Variants in ADGRG7 observed in about 807,000 individuals in gnomAD.
ADGRG7 encodes adhesion G protein-coupled receptor G7.
ADGRG7 carries 82 observed loss-of-function variants against 88.6 expected under a neutral mutation model. The observed-to-expected ratio is 0.93, with a 90% CI of 0.77 to 1.11. ADGRG7 has a LOEUF of 1.11. Ranked by LOEUF, ADGRG7 falls within the 50% of genes most tolerant of loss-of-function variation. The pLI is 0.00. For missense variants in ADGRG7, 945 were observed against 953.4 expected (o/e 0.99, Z 0.12); for synonymous variants, 381 against 345.2 (o/e 1.10, Z -1.15).
chr3:100,619,522 T>G (rs1268267408), intron 1 of ADGRG7, among the ~76,000 whole-genome samples: 1 of 151,754 alleles, frequency 6.6e-6, no homozygotes, highest in African/African-American at 2.4e-5. Flanking sequence ...GCAAACACAT[T>G]CAAAAGCTAG....
At chr3:100,641,277 G>A (rs1707638191) in intron 6 of ADGRG7, among the ~76,000 whole-genome samples, 1 of 151,732 alleles carries the variant, frequency 6.6e-6, no homozygotes, top group South Asian at 2.1e-4. Context: ...AAGCTTAAGA[G>A]AGTTTTAACG....
intron 1 of ADGRG7, among the ~76,000 whole-genome samples, chr3:100,626,076 A>G (rs1238834459): frequency 2.0e-5 from 3 of 152,180 alleles, no homozygotes; most frequent in Non-Finnish European, 4.4e-5. Flanking sequence ...ATAGTTTCAC[A>G]AGGAAAGGTA....
intron 14 of ADGRG7, among the ~76,000 whole-genome samples, chr3:100,667,524 G>A (rs2094953449): frequency 6.6e-6 from 1 of 152,192 alleles, no homozygotes; most frequent in Non-Finnish European, 1.5e-5. Context: ...TTTTATGGCT[G>A]CATAGTATTC....
At chr3:100,646,275 C>T (rs1434795555) in intron 9 of ADGRG7, 167 bp downstream of exon 9, 4 of 650,782 alleles carry the variant, frequency 6.1e-6, no homozygotes, top group East Asian at 2.8e-5. Context: ...TCTTGAATAG[C>T]AAAAGCAGGG....
chr3:100,653,220 G>A (rs1441993962), intron 11 of ADGRG7, among the ~76,000 whole-genome samples: 1 of 152,100 alleles, frequency 6.6e-6, no homozygotes, highest in Non-Finnish European at 1.5e-5. Context: ...GTAACAATAG[G>A]CCATGAAACA....
intron 15 of ADGRG7, among the ~76,000 whole-genome samples, chr3:100,679,197 A>G (rs2094969611): frequency 6.6e-6 from 1 of 151,948 alleles, no homozygotes; most frequent in African/African-American, 2.4e-5. Flanking sequence ...CACTCTCCCC[A>G]TCCCCCAACC....
chr3:100,677,261 T>C (rs1576336801), intron 15 of ADGRG7, among the ~76,000 whole-genome samples: 1 of 152,118 alleles, frequency 6.6e-6, no homozygotes, highest in Admixed American at 6.5e-5. Flanking sequence ...TGATTTGAGG[T>C]TACCACAAGG....
intron 1 of ADGRG7, among the ~76,000 whole-genome samples, chr3:100,615,967 G>A (rs79908114): frequency 0.017 from 2,503 of 151,576 alleles, 72 homozygotes; most frequent in African/African-American, 0.057. Context: ...GCCCAAAGAA[G>A]CATTAAATAA....
chr3:100,637,154 G>A lies in ADGRG7; in HGVS notation c.598-148G>A, dbSNP rs568478312. The A allele has an allele frequency of 4.4e-5, 26 of 587,078 alleles. No homozygotes were observed. The East Asian group carries it at 6.9e-4, about 16-fold the overall frequency. 36.4% of individuals were successfully genotyped at this position (587,078 alleles called of 1,614,324 possible). A position where few individuals can be genotyped will look rare whatever the true frequency, so the allele number is the denominator to read the frequency against. ...TCTCTGTCATCTTATGTGGATCAAA[G>A]AATAAACCTTTAATTTTGTAAAATG... On this transcript the variant is annotated intron_variant, in intron 5 of 15. Coordinates refer to ENST00000273352, the MANE Select transcript of ADGRG7 (RefSeq NM_032787.3).
intron 15 of ADGRG7, among the ~76,000 whole-genome samples, chr3:100,693,693 A>C (rs1372960076): frequency 6.6e-6 from 1 of 152,208 alleles, no homozygotes; most frequent in Non-Finnish European, 1.5e-5. Flanking sequence ...TGATTTAATA[A>C]AAAATTTTGG....
chr3:100,640,457 G>A (rs1178593213), intron 6 of ADGRG7, among the ~76,000 whole-genome samples: 2 of 152,174 alleles, frequency 1.3e-5, no homozygotes, highest in African/African-American at 4.8e-5. Flanking sequence ...AGCTCTGGAG[G>A]TGTAGGGTTT....
chr3:100,611,838 A>G (rs1707158718), intron 1 of ADGRG7, among the ~76,000 whole-genome samples: 1 of 152,114 alleles, frequency 6.6e-6, no homozygotes, highest in Non-Finnish European at 1.5e-5. Flanking sequence ...GAGTTGGTAA[A>G]TTCTGTTTCT....
chr3:100,662,718 A>G (rs1354717920), intron 14 of ADGRG7, among the ~76,000 whole-genome samples: 5 of 152,104 alleles, frequency 3.3e-5, no homozygotes, highest in African/African-American at 1.2e-4. Context: ...GGGTCCCAGG[A>G]AAAAAGTTGC....
In ADGRG7 at chr3:100,695,071, T is replaced by G. The variant is rs1444938930; in HGVS notation, c.*70T>G. ...AGTTTTATCTGTTTCTCTCCTTTAT[T>G]TCCCAGTCCTCTCAGAAAGTCTTCC... On this transcript the variant is annotated 3_prime_UTR_variant, in exon 16 of 16. Transcript: ENST00000273352. 1.4e-6 allele frequency: 2 copies of G among 1,476,636 alleles called. No individual in the cohort carries two copies. Among genetic ancestry groups the G allele is most frequent in the Non-Finnish European group, 1.8e-6 (2 of 1,085,470 alleles). The allele number at this position is 1,476,636 out of a possible 1,614,324, so 91.5% of individuals were successfully genotyped here.
chr3:100,657,974 GAA>G (rs2094939905), intron 13 of ADGRG7, among the ~76,000 whole-genome samples: 1 of 152,122 alleles, frequency 6.6e-6, no homozygotes, highest in African/African-American at 2.4e-5. Context: ...CCAGGGGAAA[GAA>G]AATAAAATTA....
intron 15 of ADGRG7, among the ~76,000 whole-genome samples, chr3:100,675,170 T>G (rs1351898225): frequency 6.6e-6 from 1 of 152,220 alleles, no homozygotes. Flanking sequence ...CTTTTTGTGT[T>G]CCAGATCTTA....
intron 1 of ADGRG7, among the ~76,000 whole-genome samples, chr3:100,624,077 C>T (rs1463073576): frequency 4.6e-5 from 7 of 152,030 alleles, no homozygotes; most frequent in Non-Finnish European, 8.8e-5. Context: ...GTGGGTCAAA[C>T]GGTATTTCTG....
At chr3:100,659,311 G>T (rs2094941899) in intron 13 of ADGRG7, among the ~76,000 whole-genome samples, 1 of 151,526 alleles carries the variant, frequency 6.6e-6, no homozygotes, top group Admixed American at 6.6e-5. Context: ...GTGGTGGCGG[G>T]TGCCTGTAGT....
chr3:100,614,362 T>A (rs1707197309), intron 1 of ADGRG7, among the ~76,000 whole-genome samples: 1 of 152,224 alleles, frequency 6.6e-6, no homozygotes. Context: ...AAAATGTTTA[T>A]TAAAATATTT....
Sources: allele counts gnomAD v4.1 joint callset (sites outside exome capture counted in the v4.1 genomes callset), GRCh38; gene constraint gnomAD v4.1.1; transcripts MANE v1.5; gene names NCBI Gene and HGNC (gene_info 2026-07-23, HGNC 2026-07-21).